Variants in CLSTN2 observed in about 807,000 individuals in gnomAD.
The protein encoded by CLSTN2 is calsyntenin 2, also known as calsyntenin-2.
In CLSTN2, 48 loss-of-function variants were observed where a neutral mutation model predicts 101.2. The ratio of observed to expected loss-of-function variants is 0.47; its 90% CI spans 0.38 to 0.60. The LOEUF is 0.60. CLSTN2 is among the 20% of genes least tolerant of loss of function. The pLI is 0.00. For synonymous variants in CLSTN2, 481 were observed against 463.6 expected (o/e 1.04, Z -0.48); for missense variants, 1,160 against 1,238.2 (o/e 0.94, Z 0.95).
rs553560859 is a variant in CLSTN2 at position 140,514,157 on chromosome 3, T to C, written c.1345-18167T>C. On this transcript the variant is annotated intron_variant, in intron 8 of 16. Coordinates refer to ENST00000458420, the MANE Select transcript of CLSTN2 (RefSeq NM_022131.3). ...TGTATAGTTTTCTATATTTTTTCAATAGGTTTTTGGAGAACAGGTGGCGTT... is the reference window on the plus strand; with the variant it reads ...TGTATAGTTTTCTATATTTTTTCAACAGGTTTTTGGAGAACAGGTGGCGTT... Among the ~76,000 whole-genome samples the C allele has an allele frequency of 1.2e-3, 176 of 152,054 alleles. 1 individual carries two copies. The highest frequency in any genetic ancestry group is 8.8e-3 in the Admixed American group (135 of 15,266).
Position 140,577,177 on chromosome 3 carries a change from C to T in CLSTN2, c.*10924C>T, listed in dbSNP as rs1985756974. Reference sequence around the variant, plus strand: ...CACAGGAATCTGTTGGGCTTCTCCCCATGACTGTGATCTTACCCATGTTTG... The same window carrying T: ...CACAGGAATCTGTTGGGCTTCTCCCTATGACTGTGATCTTACCCATGTTTG... On this transcript the variant is annotated 3_prime_UTR_variant, in exon 17 of 17. Transcript: ENST00000458420. 1 of 152,174 alleles carries T rather than the reference C, an allele frequency of 6.6e-6. No individual in the cohort carries two copies. Among genetic ancestry groups the T allele is most frequent in the Admixed American group, 6.5e-5 (1 of 15,282 alleles). 9.4% of individuals were successfully genotyped at this position (152,174 alleles called of 1,614,324 possible). A position where few individuals can be genotyped will look rare whatever the true frequency, so the allele number is the denominator to read the frequency against.
rs1934324378 is a variant in CLSTN2 at position 140,490,130 on chromosome 3, A to ATG, written c.1344+23399_1344+23400insTG. ...TATATATATATATACACACACACAC[A>ATG]CACACACACACACACACACACACAC... On this transcript the variant is annotated intron_variant, in intron 8 of 16. Coordinates refer to ENST00000458420, the MANE Select transcript of CLSTN2 (RefSeq NM_022131.3). Among the ~76,000 whole-genome samples, 7 of 59,530 alleles carry ATG rather than the reference A, an allele frequency of 1.2e-4. 2 individuals carry two copies. Among genetic ancestry groups the ATG allele is most frequent in the Admixed American group, 5.0e-4 (2 of 4,032 alleles). 39.1% of individuals were successfully genotyped at this position (59,530 alleles called of 152,430 possible).
At chr3:140,022,903 C>A (rs938326926) in intron 1 of CLSTN2, among the ~76,000 whole-genome samples, 2 of 152,204 alleles carry the variant, frequency 1.3e-5, no homozygotes, top group African/African-American at 4.8e-5. Context: ...AGTCCCTGTG[C>A]GAGCCCCTCC....
chr3:140,305,675 G>A (rs953965590), intron 2 of CLSTN2, among the ~76,000 whole-genome samples: 1 of 152,236 alleles, frequency 6.6e-6, no homozygotes, highest in Non-Finnish European at 1.5e-5. Flanking sequence ...GAAGAACTTG[G>A]GGGGCCCTTA....
chr3:140,280,237 A>G (rs182481689), intron 2 of CLSTN2, among the ~76,000 whole-genome samples: 1 of 152,308 alleles, frequency 6.6e-6, no homozygotes, highest in Admixed American at 6.5e-5. Context: ...AGTAAATATT[A>G]CCATTTCAAT....
At chr3:140,069,327 A>G (rs750978366) in intron 1 of CLSTN2, among the ~76,000 whole-genome samples, 2 of 152,118 alleles carry the variant, frequency 1.3e-5, no homozygotes, top group Non-Finnish European at 2.9e-5. Flanking sequence ...GGCTATCAGG[A>G]GCATCCTGGG....
chr3:140,038,036 A>G (rs908479110), intron 1 of CLSTN2, among the ~76,000 whole-genome samples: 22 of 152,140 alleles, frequency 1.4e-4, no homozygotes, highest in Admixed American at 1.3e-3. Context: ...TAACAGAATG[A>G]TTTATATTCC....
chr3:140,113,629 G>C (rs2009191797), intron 1 of CLSTN2, among the ~76,000 whole-genome samples: 1 of 152,128 alleles, frequency 6.6e-6, no homozygotes, highest in Admixed American at 6.5e-5. Flanking sequence ...TTTGTCTTGG[G>C]TTAAAATTTT....
At chr3:140,456,484 C>T (rs901437523) in intron 6 of CLSTN2, among the ~76,000 whole-genome samples, 1 of 152,186 alleles carries the variant, frequency 6.6e-6, no homozygotes, top group Non-Finnish European at 1.5e-5. Flanking sequence ...CAATAAAGTT[C>T]TGTAACTATA....
At chr3:140,413,996 A>C (rs1027669447) in intron 4 of CLSTN2, among the ~76,000 whole-genome samples, 1 of 152,124 alleles carries the variant, frequency 6.6e-6, no homozygotes, top group Non-Finnish European at 1.5e-5. Flanking sequence ...AATTAGACAA[A>C]GATGCTCACT....
chr3:140,060,205 G>C (rs2096966711), intron 1 of CLSTN2, among the ~76,000 whole-genome samples: 2 of 152,338 alleles, frequency 1.3e-5, no homozygotes, highest in South Asian at 4.1e-4. Context: ...CTGGCACTGA[G>C]AGAATAATAT....
chr3:140,447,333 C>T (rs1320973149), intron 5 of CLSTN2, among the ~76,000 whole-genome samples: 3 of 152,222 alleles, frequency 2.0e-5, no homozygotes, highest in East Asian at 1.9e-4. Flanking sequence ...GCTGCACAGC[C>T]GTCTCAGACA....
chr3:140,090,328 G>A (rs2008756491), intron 1 of CLSTN2, among the ~76,000 whole-genome samples: 1 of 151,968 alleles, frequency 6.6e-6, no homozygotes, highest in Non-Finnish European at 1.5e-5. Flanking sequence ...TTTGATTAAG[G>A]TGAATTTTAA....
At chr3:140,264,861 G>A (rs1323654898) in intron 2 of CLSTN2, among the ~76,000 whole-genome samples, 1 of 151,818 alleles carries the variant, frequency 6.6e-6, no homozygotes, top group Non-Finnish European at 1.5e-5. Context: ...GAGTACAAGT[G>A]TGCTTCCAAC....
intron 1 of CLSTN2, among the ~76,000 whole-genome samples, chr3:140,133,896 C>G (rs988196362): frequency 6.6e-6 from 1 of 152,116 alleles, no homozygotes; most frequent in African/African-American, 2.4e-5. Flanking sequence ...CAGAATCAGG[C>G]CTCTGTGTAG....
chr3:140,502,092 C>T (rs1451212989), intron 8 of CLSTN2, among the ~76,000 whole-genome samples: 1 of 152,154 alleles, frequency 6.6e-6, no homozygotes, highest in East Asian at 1.9e-4. Context: ...CAGGGTATGG[C>T]ACAAAATGTA....
intron 2 of CLSTN2, among the ~76,000 whole-genome samples, chr3:140,226,853 A>AC (rs1212617661): frequency 2.0e-5 from 3 of 151,836 alleles, no homozygotes; most frequent in Non-Finnish European, 4.4e-5. Flanking sequence ...GCAAAAAAAA[A>AC]CTCCCATTTT....
intron 1 of CLSTN2, among the ~76,000 whole-genome samples, chr3:139,973,532 G>C (rs1935753818): frequency 6.6e-6 from 1 of 152,202 alleles, no homozygotes; most frequent in African/African-American, 2.4e-5. Context: ...CAACACTGGA[G>C]ACAGGGGTGT....
At position 140,564,029 on chromosome 3, in the gene CLSTN2, G is replaced by C. The variant is rs771412381; in HGVS notation, c.2551G>C (p.Gly851Arg). ...VCMLVFVVAMGVYRVRIAHQH... is the reference protein window; with the variant it reads ...VCMLVFVVAMRVYRVRIAHQH... ...CATGCTTGTGTTTGTCGTGGCCATG[G>C]GTGTGTACCGGGTCCGGATCGCCCA... Residue 851 changes from glycine to arginine, a missense_variant, in exon 16 of 17, where the codon GGT becomes CGT. Coordinates refer to ENST00000458420, the MANE Select transcript of CLSTN2 (RefSeq NM_022131.3). The C allele has an allele frequency of 8.7e-6, 14 of 1,613,998 alleles. No individual in the cohort carries two copies. The East Asian group carries it at 3.1e-4, about 36-fold the overall frequency.
Sources: gnomAD v4.1 joint callset for allele counts (sites outside exome capture counted in the v4.1 genomes callset) on GRCh38, gnomAD v4.1.1 for gene constraint, MANE v1.5 for transcripts, NCBI Gene and HGNC (gene_info 2026-07-23, HGNC 2026-07-21) for gene names.